The following MBOAT2 variants were observed in gnomAD, a reference collection of about 807,000 sequenced individuals.
MBOAT2 encodes the protein membrane-bound glycerophospholipid O-acyltransferase 2.
A neutral mutation model predicts 63.4 loss-of-function variants in MBOAT2; 28 were observed. The observed-to-expected ratio is 0.44, with a 90% CI of 0.33 to 0.61. The LOEUF (loss-of-function observed/expected upper bound fraction) is 0.61, where lower values mean the gene tolerates loss of function less well. Among genes scored for constraint, MBOAT2 ranks in the 20% least tolerant of loss-of-function variants. MBOAT2 has a pLI of 0.03. For missense variants in MBOAT2, 470 were observed against 605.8 expected, an observed-to-expected ratio of 0.78 and a Z score of 2.35; for synonymous variants, 211 against 215.6, an observed-to-expected ratio of 0.98 and a Z score of 0.19.
intron 1 of MBOAT2, among the ~76,000 whole-genome samples, chr2:8,963,899 G>A (rs1669802324): frequency 6.6e-6 from 1 of 152,098 alleles, no homozygotes; most frequent in Admixed American, 6.5e-5. Flanking sequence ...TGTGTGCCAG[G>A]CAGTGCAGCG....
At chr2:8,949,205 T>C (rs1273362151) in intron 2 of MBOAT2, among the ~76,000 whole-genome samples, 1 of 152,226 alleles carries the variant, frequency 6.6e-6, no homozygotes, top group Admixed American at 6.5e-5. Flanking sequence ...TGTCCAACTG[T>C]TTAAGTTCCT....
intron 7 of MBOAT2, among the ~76,000 whole-genome samples, chr2:8,874,078 G>A (rs191363935): frequency 1.0e-3 from 158 of 152,354 alleles, no homozygotes; most frequent in Non-Finnish European, 1.5e-3. Context: ...GGATTTAGAA[G>A]TGCTCTATAC....
At chr2:8,965,127 G>C (rs531908726) in intron 1 of MBOAT2, among the ~76,000 whole-genome samples, 1 of 152,054 alleles carries the variant, frequency 6.6e-6, no homozygotes, top group Non-Finnish European at 1.5e-5. Flanking sequence ...ACATGGACAC[G>C]CATCAATGTA....
At chr2:8,860,062 C>A (rs1357556582) in intron 12 of MBOAT2, among the ~76,000 whole-genome samples, 1 of 151,630 alleles carries the variant, frequency 6.6e-6, no homozygotes, top group Non-Finnish European at 1.5e-5. Flanking sequence ...GTGGTGGGTG[C>A]CTGTAATCCC....
chr2:8,964,078 G>A (rs995950423), intron 1 of MBOAT2, among the ~76,000 whole-genome samples: 2 of 152,174 alleles, frequency 1.3e-5, no homozygotes, highest in East Asian at 1.9e-4. Context: ...AATGGAGAAC[G>A]ACAGGGACTT....
At chr2:8,914,934 C>CTTTTTTTTTTT (rs938665533) in intron 3 of MBOAT2, among the ~76,000 whole-genome samples, 2 of 60,232 alleles carry the variant, frequency 3.3e-5, no homozygotes, top group Admixed American at 2.5e-4. Context: ...CTGGAAATTT[C>CTTTTTTTTTTT]TTTTTTTTTT....
At chr2:8,904,108 C>T (rs1429087888) in intron 4 of MBOAT2, among the ~76,000 whole-genome samples, 1 of 151,986 alleles carries the variant, frequency 6.6e-6, no homozygotes, top group Non-Finnish European at 1.5e-5. Context: ...TCCGAAGAAA[C>T]TGTGATTACA....
In MBOAT2 at chr2:8,900,367, T is replaced by A. The variant is rs554830244; in HGVS notation, c.395+8254A>T. On this transcript the variant is annotated intron_variant, in intron 4 of 12. Coordinates refer to ENST00000305997, the MANE Select transcript of MBOAT2 (RefSeq NM_138799.4). ...CATTAAAGGCCAGGGTTTGATCTAATAATAGCATGACATCTCTCCAAGTGA... is the reference window on the plus strand; with the variant it reads ...CATTAAAGGCCAGGGTTTGATCTAAAAATAGCATGACATCTCTCCAAGTGA... 1.2e-4 allele frequency among the ~76,000 whole-genome samples: 18 copies of A among 152,274 alleles called. No individual in the cohort carries two copies. In the South Asian group the frequency reaches 2.5e-3, roughly 21 times the overall value.
chr2:8,895,470 A>G (rs561770486), intron 4 of MBOAT2, among the ~76,000 whole-genome samples: 153 of 152,318 alleles, frequency 1.0e-3, no homozygotes, highest in African/African-American at 3.5e-3. Context: ...AAAGTTCTCC[A>G]AGTCCTCACC....
At chr2:8,968,856 C>A (rs906605569) in intron 1 of MBOAT2, among the ~76,000 whole-genome samples, 3 of 152,096 alleles carry the variant, frequency 2.0e-5, no homozygotes, top group African/African-American at 7.2e-5. Flanking sequence ...ACGAAAAAAG[C>A]CTCCAAGAAA....
At chr2:8,861,978 G>C (rs887554925) in intron 11 of MBOAT2, among the ~76,000 whole-genome samples, 16 of 152,204 alleles carry the variant, frequency 1.1e-4, no homozygotes, top group African/African-American at 3.6e-4. Context: ...TTACCTGTAA[G>C]TGCCATTACC....
chr2:8,985,724 G>C (rs1281017832), intron 1 of MBOAT2, among the ~76,000 whole-genome samples: 1 of 151,824 alleles, frequency 6.6e-6, no homozygotes, highest in Non-Finnish European at 1.5e-5. Context: ...GCCAAATGAG[G>C]CCACTCTGCA....
At chr2:8,988,256 G>C (rs1380069497) in intron 1 of MBOAT2, among the ~76,000 whole-genome samples, 6 of 152,142 alleles carry the variant, frequency 3.9e-5, no homozygotes, top group Non-Finnish European at 8.8e-5. Flanking sequence ...GTGGAGGTCA[G>C]TGACCATCTG....
chr2:8,998,504 A>G (rs1268767580), intron 1 of MBOAT2, among the ~76,000 whole-genome samples: 1 of 152,196 alleles, frequency 6.6e-6, no homozygotes, highest in Non-Finnish European at 1.5e-5. Flanking sequence ...GGAATTCATC[A>G]TAGTACAGAC....
At chr2:8,967,350 G>A (rs1446851932) in intron 1 of MBOAT2, among the ~76,000 whole-genome samples, 2 of 152,150 alleles carry the variant, frequency 1.3e-5, no homozygotes, top group Non-Finnish European at 2.9e-5. Flanking sequence ...ACTATGTACT[G>A]TAATAAATAG....
In MBOAT2 at chr2:8,854,184, A is replaced by C. The variant is rs1282237942; in HGVS notation, c.*4495T>G. 1 of 152,208 alleles carries C rather than the reference A, an allele frequency of 6.6e-6. No individual in the cohort carries two copies. Among genetic ancestry groups the C allele is most frequent in the Non-Finnish European group, 1.5e-5 (1 of 68,036 alleles). The allele number at this position is 152,208 out of a possible 1,614,324, so 9.4% of individuals were successfully genotyped here. A position where few individuals can be genotyped will look rare whatever the true frequency, so the allele number is the denominator to read the frequency against. ...ACACTGTAGAGACCCTCTATGTTCT[A>C]ATCTTTCAAACTCAAATTTCAGGGT... On this transcript the variant is annotated 3_prime_UTR_variant, in exon 13 of 13. Coordinates refer to ENST00000305997, the MANE Select transcript of MBOAT2 (RefSeq NM_138799.4).
At chr2:8,989,574 A>T (rs1344766552) in intron 1 of MBOAT2, among the ~76,000 whole-genome samples, 1 of 152,170 alleles carries the variant, frequency 6.6e-6, no homozygotes, top group African/African-American at 2.4e-5. Flanking sequence ...TTCACAGAAG[A>T]CTGAGGGCTA....
At chr2:8,959,292 T>C (rs1194417780) in intron 1 of MBOAT2, among the ~76,000 whole-genome samples, 1 of 152,128 alleles carries the variant, frequency 6.6e-6, no homozygotes, top group Non-Finnish European at 1.5e-5. Flanking sequence ...AACCTCAATT[T>C]TTAAATTTCC....
chr2:8,904,082 T>C (rs920226399), intron 4 of MBOAT2, among the ~76,000 whole-genome samples: 1 of 152,068 alleles, frequency 6.6e-6, no homozygotes, highest in Non-Finnish European at 1.5e-5. Flanking sequence ...GTTCCAGTGA[T>C]TCTCGTGCCT....
Sources: gnomAD v4.1 joint callset for allele counts (sites outside exome capture counted in the v4.1 genomes callset) on GRCh38, gnomAD v4.1.1 for gene constraint, MANE v1.5 for transcripts, NCBI Gene and HGNC (gene_info 2026-07-23, HGNC 2026-07-21) for gene names.